The following ADGRL3 variants were observed in gnomAD, a reference collection of about 807,000 sequenced individuals.
The protein encoded by ADGRL3 is calcium-independent alpha-latrotoxin receptor 3.
In ADGRL3, 62 loss-of-function variants were observed where a neutral mutation model predicts 153.5. The ratio of observed to expected loss-of-function variants is 0.40; its 90% confidence interval spans 0.33 to 0.50. The LOEUF (loss-of-function observed/expected upper bound fraction) is 0.50, where lower values mean the gene tolerates loss of function less well. Among genes scored for constraint, ADGRL3 ranks in the 20% least tolerant of loss-of-function variants. The probability of loss-of-function intolerance (pLI) is 0.47; values close to 1 mark genes in which losing one functional copy is unlikely to be tolerated. For synonymous variants in ADGRL3, 710 were observed against 672.5 expected, an observed-to-expected ratio of 1.06 and a Z score of -0.86; for missense variants, 1,641 against 1,859.4, an observed-to-expected ratio of 0.88 and a Z score of 2.16.
chr4:61,371,516 C>A (rs1318481724), intron 1 of ADGRL3, among the ~76,000 whole-genome samples: 1 of 151,188 alleles, frequency 6.6e-6, no homozygotes, highest in Non-Finnish European at 1.5e-5. Context: ...ATATGAAATT[C>A]TGGGTTGAAA....
chr4:61,291,234 C>CG (rs2094185531), intron 1 of ADGRL3, among the ~76,000 whole-genome samples: 1 of 82,220 alleles, frequency 1.2e-5, no homozygotes, highest in Non-Finnish European at 2.9e-5. Context: ...ACACACACCC[C>CG]TCTGTGTCCA....
At chr4:61,328,380 G>T (rs1310734699) in intron 1 of ADGRL3, among the ~76,000 whole-genome samples, 1 of 152,086 alleles carries the variant, frequency 6.6e-6, no homozygotes, top group Non-Finnish European at 1.5e-5. Flanking sequence ...CCAGTGATTG[G>T]TTATATGCAT....
At chr4:61,204,706 A>G in intron 1 of ADGRL3, among the ~76,000 whole-genome samples, 1 of 152,228 alleles carries the variant, frequency 6.6e-6, no homozygotes. Context: ...AAATCAGGGT[A>G]GGAGGAATGA....
intron 9 of ADGRL3, among the ~76,000 whole-genome samples, chr4:61,858,228 G>T (rs1346622832): frequency 6.6e-6 from 1 of 152,128 alleles, no homozygotes; most frequent in Non-Finnish European, 1.5e-5. Context: ...GTCTTTGCAG[G>T]CTATGTATGG....
chr4:61,563,022 G>A (rs1277237026), intron 4 of ADGRL3, among the ~76,000 whole-genome samples: 2 of 150,306 alleles, frequency 1.3e-5, no homozygotes, highest in African/African-American at 2.5e-5. Context: ...TACTTACCCA[G>A]AATCATCAGA....
chr4:61,497,057 AAAT>A (rs1430876334), intron 2 of ADGRL3, 61 bp from the exon 3 acceptor site: 61 of 494,386 alleles, frequency 1.2e-4, no homozygotes, highest in Non-Finnish European at 1.9e-4. Flanking sequence ...TGTATTGTAT[AAAT>A]AATGTCTTTG....
At chr4:61,676,782 C>G in intron 5 of ADGRL3, 44 bp from the exon 6 acceptor site, 1 of 1,282,004 alleles carries the variant, frequency 7.8e-7, no homozygotes. Flanking sequence ...AATAATTTAA[C>G]TTTGCATAAG....
intron 25 of ADGRL3, among the ~76,000 whole-genome samples, chr4:62,065,053 A>G (rs554490974): frequency 5.3e-4 from 81 of 152,220 alleles, no homozygotes; most frequent in African/African-American, 1.8e-3. Context: ...AGTATTTCCT[A>G]TAATGGGGCC....
chr4:61,678,952 T>C (rs1466249491), intron 6 of ADGRL3, among the ~76,000 whole-genome samples: 3 of 151,896 alleles, frequency 2.0e-5, no homozygotes, highest in African/African-American at 7.2e-5. Context: ...AAAAGGTAGA[T>C]TGGTTTAGGA....
intron 1 of ADGRL3, among the ~76,000 whole-genome samples, chr4:61,277,388 A>G (rs148385316): frequency 6.6e-6 from 1 of 152,294 alleles, no homozygotes; most frequent in African/African-American, 2.4e-5. Context: ...ATTATACGGC[A>G]TGACCCAGGT....
At chr4:61,531,567 A>G (rs1360474934) in intron 4 of ADGRL3, among the ~76,000 whole-genome samples, 1 of 152,164 alleles carries the variant, frequency 6.6e-6, no homozygotes, top group Non-Finnish European at 1.5e-5. Flanking sequence ...AGCATTTACT[A>G]TGCACCTACT....
At chr4:61,428,562 A>G (rs990022205) in intron 2 of ADGRL3, among the ~76,000 whole-genome samples, 3 of 152,216 alleles carry the variant, frequency 2.0e-5, no homozygotes, top group Non-Finnish European at 4.4e-5. Flanking sequence ...GACAGTGTAT[A>G]TAACTTACTA....
intron 5 of ADGRL3, among the ~76,000 whole-genome samples, chr4:61,619,569 T>G (rs182745511): frequency 2.0e-4 from 30 of 152,026 alleles, no homozygotes; most frequent in Non-Finnish European, 4.4e-4. Flanking sequence ...ACCTCCTGTG[T>G]GTGTGTATTT....
At chr4:61,408,860 T>A (rs1390919744) in intron 2 of ADGRL3, among the ~76,000 whole-genome samples, 1 of 152,034 alleles carries the variant, frequency 6.6e-6, no homozygotes, top group Admixed American at 6.6e-5. Context: ...ACTTTCAAAC[T>A]TATTTCTAAG....
chr4:61,360,566 T>C (rs2096267700), intron 1 of ADGRL3, among the ~76,000 whole-genome samples: 1 of 152,180 alleles, frequency 6.6e-6, no homozygotes, highest in Non-Finnish European at 1.5e-5. Flanking sequence ...TTTCTTTTAA[T>C]CTTTCATGGT....
At chr4:61,488,296 T>C (rs1357015055) in intron 2 of ADGRL3, among the ~76,000 whole-genome samples, 1 of 152,012 alleles carries the variant, frequency 6.6e-6, no homozygotes, top group Non-Finnish European at 1.5e-5. Flanking sequence ...GTATTTAAAA[T>C]ATAATTATAA....
intron 5 of ADGRL3, among the ~76,000 whole-genome samples, chr4:61,637,430 C>T (rs2093471702): frequency 6.6e-6 from 1 of 152,202 alleles, no homozygotes; most frequent in East Asian, 1.9e-4. Context: ...TTTGGTACTG[C>T]ATTACAGCAG....
At chr4:61,376,446 G>A (rs866808950) in intron 1 of ADGRL3, among the ~76,000 whole-genome samples, 1 of 151,922 alleles carries the variant, frequency 6.6e-6, no homozygotes, top group Admixed American at 6.6e-5. Context: ...GAGAAAGAAA[G>A]GAGCAGGCGT....
At chr4:61,322,801 G>C (rs1434405309) in intron 1 of ADGRL3, among the ~76,000 whole-genome samples, 2 of 152,172 alleles carry the variant, frequency 1.3e-5, no homozygotes, top group Admixed American at 1.3e-4. Context: ...AGCTTTTCCA[G>C]GCACACGGTG....
Sources: allele counts gnomAD v4.1 joint callset (sites outside exome capture counted in the v4.1 genomes callset), GRCh38; gene constraint gnomAD v4.1.1; transcripts MANE v1.5; gene names NCBI Gene and HGNC (gene_info 2026-07-23, HGNC 2026-07-21).